Variants in SYNE1 observed in about 807,000 individuals in gnomAD.
SYNE1 encodes spectrin repeat containing nuclear envelope protein 1.
Under a neutral mutation model 1,111.0 loss-of-function variants are expected in SYNE1, and 616 were observed. The observed-to-expected ratio is 0.55, with a 90% CI of 0.52 to 0.59. The LOEUF (loss-of-function observed/expected upper bound fraction) is 0.59. Ranked by LOEUF, SYNE1 falls within the 20% of genes least tolerant of loss-of-function variation. The pLI is 0.00. For missense variants in SYNE1, 10,006 were observed against 10,417.0 expected (o/e 0.96, Z 1.72); for synonymous variants, 3,855 against 3,825.8 (o/e 1.01, Z -0.28).
In SYNE1 at chr6:152,189,405, T is replaced by A; in HGVS notation, c.23148A>T (p.Glu7716Asp). Residue 7716 changes from glutamate to aspartate, a missense_variant and splice_region_variant, in exon 128 of 146, where the codon GAA becomes GAT. Glu to Asp is a conservative substitution (Grantham distance 45). Coordinates refer to ENST00000367255, the MANE Select transcript of SYNE1 (RefSeq NM_182961.4). Reference sequence around the variant, plus strand: ...TCCAGCTCCCAACTGCATTTTCTAATTCCTAAATAAAAAAACAAACTTGAA... The same window carrying A: ...TCCAGCTCCCAACTGCATTTTCTAAATCCTAAATAAAAAAACAAACTTGAA... ...ELHAEQMRCK[E>D]LENAVGSWTD... The A allele has an allele frequency of 6.2e-7, 1 of 1,613,990 alleles. No homozygotes were observed. The highest frequency in any genetic ancestry group is 8.5e-7 in the Non-Finnish European group (1 of 1,179,946).
At chr6:152,466,782 A>T (rs1283488419) in intron 16 of SYNE1, among the ~76,000 whole-genome samples, 2 of 152,122 alleles carry the variant, frequency 1.3e-5, no homozygotes, top group Non-Finnish European at 2.9e-5. Flanking sequence ...TGCGTTTCAA[A>T]GATTATTATT....
At chr6:152,559,138 C>T (rs2128210811) in intron 3 of SYNE1, among the ~76,000 whole-genome samples, 1 of 152,300 alleles carries the variant, frequency 6.6e-6, no homozygotes, top group Non-Finnish European at 1.5e-5. Flanking sequence ...GTGGCACTCA[C>T]TGTTGCTTGG....
intron 32 of SYNE1, among the ~76,000 whole-genome samples, chr6:152,438,238 G>C (rs2098493380): frequency 6.6e-6 from 1 of 152,112 alleles, no homozygotes; most frequent in South Asian, 2.1e-4. Context: ...ATCACCACAT[G>C]ATCTCTTAGA....
At chr6:152,555,622 A>G (rs1472434915) in intron 3 of SYNE1, among the ~76,000 whole-genome samples, 1 of 152,164 alleles carries the variant, frequency 6.6e-6, no homozygotes, top group Non-Finnish European at 1.5e-5. Context: ...ATGTTTAAGC[A>G]AGTATATTAT....
intron 29 of SYNE1, 107 bp downstream of exon 29, chr6:152,447,351 C>G (rs1288891093): frequency 2.4e-6 from 3 of 1,268,886 alleles, no homozygotes; most frequent in Non-Finnish European, 3.3e-6. Flanking sequence ...TCTGTTTCAA[C>G]TATGGTTTCT....
rs2097410678 is a variant in SYNE1 at position 152,381,366 on chromosome 6, T to C, written c.8653-4A>G. The C allele has an allele frequency of 1.2e-6, 2 of 1,612,600 alleles. No individual in the cohort carries two copies. Among genetic ancestry groups the C allele is most frequent in the Non-Finnish European group, 1.7e-6 (2 of 1,179,890 alleles). ...TCTCTCTGGAATCTATCAGCTCCTGTAATGGAATATCACCATGGTAACTGA... is the reference window on the plus strand; with the variant it reads ...TCTCTCTGGAATCTATCAGCTCCTGCAATGGAATATCACCATGGTAACTGA... On this transcript the variant is annotated splice_polypyrimidine_tract_variant and splice_region_variant and intron_variant, in intron 55 of 145. Coordinates refer to ENST00000367255, the MANE Select transcript of SYNE1 (RefSeq NM_182961.4).
chr6:152,381,344 C>T lies in SYNE1; in HGVS notation c.8671G>A (p.Glu2891Lys). ...CTGCTGAGACGGCTTGCACCAATCT[C>T]TCTGGAATCTATCAGCTCCTGTAAT... is the stretch of plus-strand genomic sequence containing the variant. Reference protein sequence around the residue: ...SKIKELIDSREIGASRLSRVE... With the variant: ...SKIKELIDSRKIGASRLSRVE... The change falls in exon 56 of 146, where the codon GAG (glutamate) becomes AAG (lysine). Residue 2891 changes from glutamate to lysine, a missense_variant. By Grantham distance (56) the Glu-to-Lys change is moderately conservative. Coordinates refer to ENST00000367255, the MANE Select transcript of SYNE1 (RefSeq NM_182961.4). 11 of 1,613,744 alleles carry T rather than the reference C, an allele frequency of 6.8e-6. No individual in the cohort carries two copies. The highest frequency in any genetic ancestry group is 8.5e-6 in the Non-Finnish European group (10 of 1,180,042).
intron 110 of SYNE1, among the ~76,000 whole-genome samples, chr6:152,235,816 A>T (rs1052334487): frequency 2.0e-5 from 3 of 152,244 alleles, no homozygotes; most frequent in South Asian, 4.1e-4. Context: ...ATCATGGCTC[A>T]CTGCAGCCTC....
At chr6:152,483,015 G>A in intron 14 of SYNE1, 70 bp downstream of exon 14, 1 of 1,574,560 alleles carries the variant, frequency 6.4e-7, no homozygotes, top group Non-Finnish European at 8.7e-7. Flanking sequence ...AGAGCAGGTT[G>A]TAACTAGGCT....
chr6:152,253,836 T>TG (rs2090109246), intron 104 of SYNE1, among the ~76,000 whole-genome samples: 1 of 74,042 alleles, frequency 1.4e-5, no homozygotes, highest in African/African-American at 7.8e-5. Flanking sequence ...TTTTTTTTTT[T>TG]TTTTTTTTTT....
chr6:152,409,011 T>A lies in SYNE1; in HGVS notation c.6540+57A>T, dbSNP rs2097957563. The A allele has an allele frequency of 1.9e-6, 3 of 1,560,000 alleles. No individual in the cohort carries two copies. In the East Asian group the frequency reaches 6.7e-5, roughly 35 times the overall value. ...CTTGAATAACGCTTTGTCCAAAAATTTGATTGGGGAATGTGAATATTTAAA... is the reference window on the plus strand; with the variant it reads ...CTTGAATAACGCTTTGTCCAAAAATATGATTGGGGAATGTGAATATTTAAA... On this transcript the variant is annotated intron_variant, in intron 44 of 145. Coordinates refer to ENST00000367255, the MANE Select transcript of SYNE1 (RefSeq NM_182961.4).
At chr6:152,533,316 A>G (rs1468989930) in intron 4 of SYNE1, among the ~76,000 whole-genome samples, 2 of 152,010 alleles carry the variant, frequency 1.3e-5, no homozygotes, top group African/African-American at 4.8e-5. Context: ...TCAATTCCGA[A>G]TAAATATTCC....
chr6:152,220,702 A>T, intron 119 of SYNE1, 140 bp downstream of exon 119: 1 of 774,754 alleles, frequency 1.3e-6, no homozygotes, highest in Non-Finnish European at 2.3e-6. Context: ...AAAATCAGGC[A>T]GGCTCTTTGA....
At chr6:152,297,812 TGTGTGTGTGTGCGC>T (rs201408674) in intron 93 of SYNE1, among the ~76,000 whole-genome samples, 10,230 of 118,174 alleles carry the variant, frequency 0.087, 461 homozygotes, top group South Asian at 0.17. Flanking sequence ...TGTGTGTGTG[TGTGTGTGTGTGCGC>T]GCGCACGTGG....
In SYNE1 at chr6:152,305,358, C is replaced by G. The variant is rs540211468; in HGVS notation, c.17346+3131G>C. 3.3e-5 allele frequency among the ~76,000 whole-genome samples: 5 copies of G among 152,196 alleles called. No homozygotes were observed. In the South Asian group the frequency reaches 1.0e-3, roughly 32 times the overall value. ...TTGGCTCACTGCAACCTCCACCTCC[C>G]AGGTTCAAGCGATTCTCCTGTCTCA... On this transcript the variant is annotated intron_variant, in intron 91 of 145. Coordinates refer to ENST00000367255, the MANE Select transcript of SYNE1 (RefSeq NM_182961.4).
intron 82 of SYNE1, among the ~76,000 whole-genome samples, chr6:152,323,275 A>G (rs1356264210): frequency 6.6e-6 from 1 of 152,288 alleles, no homozygotes; most frequent in African/African-American, 2.4e-5. Flanking sequence ...CGTCTCTACT[A>G]AAAATACAAA....
At chr6:152,411,722 CACA>C (rs1268336618) in intron 42 of SYNE1, among the ~76,000 whole-genome samples, 3,207 of 136,236 alleles carry the variant, frequency 0.024, 121 homozygotes, top group African/African-American at 0.091. Flanking sequence ...CACACACACA[CACA>C]CACCCCCACA....
chr6:152,319,353 A>G (rs990690011), intron 84 of SYNE1, among the ~76,000 whole-genome samples: 1 of 152,216 alleles, frequency 6.6e-6, no homozygotes, highest in Non-Finnish European at 1.5e-5. Flanking sequence ...AATGACCTTG[A>G]GCACACAAAC....
chr6:152,608,376 G>T (rs2099622049), intron 3 of SYNE1, among the ~76,000 whole-genome samples: 1 of 152,020 alleles, frequency 6.6e-6, no homozygotes, highest in Admixed American at 6.6e-5. Flanking sequence ...TATAATAAGT[G>T]CTCTAATTAC....
Sources: gnomAD v4.1 joint callset for allele counts (sites outside exome capture counted in the v4.1 genomes callset) on GRCh38, gnomAD v4.1.1 for gene constraint, MANE v1.5 for transcripts, NCBI Gene and HGNC (gene_info 2026-07-23, HGNC 2026-07-21) for gene names.